The following COPS3 variants were observed in gnomAD, a reference collection of about 807,000 sequenced individuals.
COPS3 encodes the protein COP9 signalosome subunit 3, also known as COP9 signalosome complex subunit 3.
Under a neutral mutation model 58.2 loss-of-function variants are expected in COPS3, and 10 were observed. That is an observed-to-expected ratio of 0.17 (90% CI 0.11 to 0.29). COPS3 has a LOEUF of 0.29. Among genes scored for constraint, COPS3 ranks in the 10% least tolerant of loss-of-function variants. The probability of loss-of-function intolerance (pLI) is 1.00; values close to 1 mark genes in which losing one functional copy is unlikely to be tolerated. For synonymous variants in COPS3, 187 were observed against 181.7 expected (o/e 1.03, Z -0.24); for missense variants, 333 against 510.1 (o/e 0.65, Z 3.34).
intron 9 of COPS3, among the ~76,000 whole-genome samples, chr17:17,250,686 A>G (rs78425041): frequency 0.11 from 17,215 of 152,218 alleles, 1,200 homozygotes; most frequent in South Asian, 0.22. Context: ...GATACCAATA[A>G]AAGTACAAAA....
chr17:17,250,674 G>A (rs1242677430), intron 9 of COPS3, among the ~76,000 whole-genome samples: 1 of 152,274 alleles, frequency 6.6e-6, no homozygotes, highest in East Asian at 1.9e-4. Context: ...GTTAAAAAGT[G>A]AGATACCAAT....
intron 5 of COPS3, among the ~76,000 whole-genome samples, chr17:17,266,659 TG>T (rs2048228703): frequency 6.6e-6 from 1 of 151,564 alleles, no homozygotes; most frequent in African/African-American, 2.4e-5. Flanking sequence ...ATTAGCCGGG[TG>T]TAGTGGTGCA....
At chr17:17,253,223 C>CTCAA (rs960422314) in intron 9 of COPS3, among the ~76,000 whole-genome samples, 32 of 152,150 alleles carry the variant, frequency 2.1e-4, no homozygotes, top group East Asian at 1.4e-3. Flanking sequence ...AAGACCTTGT[C>CTCAA]TCAATCAATC....
intron 1 of COPS3, chr17:17,280,675 A>G (rs1376129844): frequency 7.7e-7 from 1 of 1,305,572 alleles, no homozygotes. Context: ...CGAGCCATAG[A>G]GCCAAGACAC....
At chr17:17,265,388 A>G (rs1597684680) in intron 5 of COPS3, among the ~76,000 whole-genome samples, 1 of 151,916 alleles carries the variant, frequency 6.6e-6, no homozygotes, top group East Asian at 1.9e-4. Flanking sequence ...CATTCAGAAA[A>G]AAACAGCATT....
At chr17:17,247,434 C>T in intron 11 of COPS3, 46 bp downstream of exon 11, 1 of 1,560,020 alleles carries the variant, frequency 6.4e-7, no homozygotes, top group East Asian at 2.2e-5. Context: ...CAACACCCCT[C>T]CTTCTCCACC....
rs759361172 is a variant in COPS3 at position 17,280,677 on chromosome 17, C to T, written c.55+455G>A. 8.7e-5 allele frequency: 114 copies of T among 1,304,438 alleles called. 1 individual carries two copies. Among genetic ancestry groups the T allele is most frequent in the South Asian group, 5.1e-4 (41 of 80,626 alleles). The allele number at this position is 1,304,438 out of a possible 1,614,324, so 80.8% of individuals were successfully genotyped here. On this transcript the variant is annotated intron_variant, in intron 1 of 11. Transcript: ENST00000268717. Reference sequence around the variant, plus strand: ...GAGCTGGCAGAGGCGAGCCATAGAGCCAAGACACCCAGAACGGACTCGCCT... The same window carrying T: ...GAGCTGGCAGAGGCGAGCCATAGAGTCAAGACACCCAGAACGGACTCGCCT...
chr17:17,267,267 G>C (rs1326134964), intron 5 of COPS3, among the ~76,000 whole-genome samples: 1 of 151,046 alleles, frequency 6.6e-6, no homozygotes, highest in Non-Finnish European at 1.5e-5. Flanking sequence ...GAACCCGGGA[G>C]GCGGAGCTTG....
chr17:17,278,067 C>T (rs1424259742), intron 1 of COPS3, among the ~76,000 whole-genome samples: 1 of 152,100 alleles, frequency 6.6e-6, no homozygotes, highest in African/African-American at 2.4e-5. Context: ...TGGGACAATC[C>T]TTGAACCCGG....
chr17:17,264,933 C>T lies in COPS3; in HGVS notation c.490G>A (p.Val164Met), dbSNP rs769840838. 4.2e-5 allele frequency: 67 copies of T among 1,613,204 alleles called. 1 individual carries two copies. The highest frequency in any genetic ancestry group is 2.9e-4 in the East Asian group (13 of 44,874). The change falls in exon 6 of 12, where the codon GTG becomes ATG. Residue 164 changes from valine to methionine, a missense_variant. Physicochemically the swap from Val to Met is conservative, Grantham distance 21 (BLOSUM62 1). Transcript: ENST00000268717. ...TCTTTACAGATATCCATCATATCCA[C>T]GTCAAGATATGGAAGGGCAGGCTTA... Reference protein sequence around the residue: ...CFKPALPYLDVDMMDICKENG... With the variant: ...CFKPALPYLDMDMMDICKENG...
At chr17:17,280,524 C>T in intron 1 of COPS3, 1 of 1,230,942 alleles carries the variant, frequency 8.1e-7, no homozygotes, top group South Asian at 1.3e-5. Flanking sequence ...CGCGCCACTG[C>T]ACTCCAGCCT....
At chr17:17,261,132 A>G (rs2048089898) in intron 7 of COPS3, among the ~76,000 whole-genome samples, 1 of 152,232 alleles carries the variant, frequency 6.6e-6, no homozygotes, top group Non-Finnish European at 1.5e-5. Flanking sequence ...TAAATCATAT[A>G]GAGAAGAAAG....
intron 1 of COPS3, among the ~76,000 whole-genome samples, chr17:17,278,878 CT>C (rs1278820637): frequency 1.6e-3 from 225 of 140,382 alleles, no homozygotes; most frequent in African/African-American, 1.7e-3. Flanking sequence ...TCTTTTTTTT[CT>C]TTTTTTTTTT....
intron 7 of COPS3, chr17:17,260,798 G>A (rs1194455218): frequency 3.5e-5 from 5 of 143,118 alleles, no homozygotes; most frequent in East Asian, 1.9e-4. Flanking sequence ...GCAAAACTCC[G>A]TCTCAAAAAA....
intron 8 of COPS3, among the ~76,000 whole-genome samples, chr17:17,255,495 A>AAAAAAAAAAAC (rs71152854): frequency 6.6e-6 from 1 of 150,864 alleles, no homozygotes; most frequent in African/African-American, 2.4e-5. Flanking sequence ...CAAAAAAAAA[A>AAAAAAAAAAAC]GTGTACAGAG....
intron 5 of COPS3, 48 bp from the exon 6 acceptor site, chr17:17,265,029 G>T: frequency 6.6e-7 from 1 of 1,506,804 alleles, no homozygotes; most frequent in African/African-American, 1.4e-5. Flanking sequence ...TACTTAGGCA[G>T]GTATTAGCAG....
chr17:17,247,793 C>A, intron 10 of COPS3: 1 of 431,674 alleles, frequency 2.3e-6, no homozygotes, highest in Non-Finnish European at 4.1e-6. Context: ...TAATCAAACA[C>A]ATAGTATCTT....
At chr17:17,263,765 C>T (rs1323037194) in intron 6 of COPS3, among the ~76,000 whole-genome samples, 2 of 152,124 alleles carry the variant, frequency 1.3e-5, no homozygotes, top group African/African-American at 2.4e-5. Context: ...CCGCCGGCCT[C>T]GGCCTCCCAA....
At chr17:17,269,542 G>A (rs908258895) in intron 4 of COPS3, among the ~76,000 whole-genome samples, 2 of 152,094 alleles carry the variant, frequency 1.3e-5, no homozygotes, top group African/African-American at 4.8e-5. Flanking sequence ...GTTGCAGTGA[G>A]CTGAGATCAC....
Sources: allele counts gnomAD v4.1 joint callset (sites outside exome capture counted in the v4.1 genomes callset), GRCh38; gene constraint gnomAD v4.1.1; transcripts MANE v1.5; gene names NCBI Gene and HGNC (gene_info 2026-07-23, HGNC 2026-07-21).